CHID1: variants seen among roughly 807,000 people sequenced by gnomAD.
The protein encoded by CHID1 is chitinase domain-containing protein 1.
Under a neutral mutation model 55.4 loss-of-function variants are expected in CHID1, and 44 were observed. The observed-to-expected ratio is 0.79, with a 90% CI of 0.62 to 1.02. The LOEUF (loss-of-function observed/expected upper bound fraction) is 1.02. CHID1 is among the 50% of genes least tolerant of loss of function. The pLI is 0.00. For synonymous variants in CHID1, 216 were observed against 212.9 expected (o/e 1.01, Z -0.13); for missense variants, 491 against 515.3 (o/e 0.95, Z 0.46).
chr11:878,064 GCAAGAA>G (rs1429720732), intron 10 of CHID1, among the ~76,000 whole-genome samples: 2 of 152,236 alleles, frequency 1.3e-5, no homozygotes, highest in Admixed American at 1.3e-4. Context: ...GTCCCTACCA[GCAAGAA>G]CGCTCTCACA....
chr11:880,894 A>T (rs1849865009), intron 10 of CHID1, among the ~76,000 whole-genome samples: 1 of 152,238 alleles, frequency 6.6e-6, no homozygotes, highest in Non-Finnish European at 1.5e-5. Flanking sequence ...ATGATTTATA[A>T]AAATGCTAAA....
chr11:884,076 TGTAGA>T lies in CHID1; in HGVS notation c.790_794del (p.Thr265AlafsTer6). On this transcript the variant is annotated frameshift_variant, in exon 9 of 13. Transcript: ENST00000323578. LOFTEE classifies it high-confidence loss of function. ...CCCAAGCCCACACTCACTGATGCGC[TGTAGA>T]GTAGTCGTAGGTCATGAGGCTGAAA... The T allele has an allele frequency of 6.2e-7, 1 of 1,613,548 alleles. No homozygotes were observed. The highest frequency in any genetic ancestry group is 8.5e-7 in the Non-Finnish European group (1 of 1,179,484).
chr11:910,764 G>A lies in CHID1; in HGVS notation c.-44+11C>T. On this transcript the variant is annotated intron_variant, in intron 1 of 12. Transcript: ENST00000323578. ...GGAGGAGGAGCAGGGGCCGGCCGCC[G>A]CGGGGCTCACCTGCATGTCAGGGAG... The A allele has an allele frequency of 1.7e-6, 2 of 1,177,332 alleles. No homozygotes were observed. The highest frequency in any genetic ancestry group is 2.1e-6 in the Non-Finnish European group (2 of 938,716). The allele number at this position is 1,177,332 out of a possible 1,614,324, so 72.9% of individuals were successfully genotyped here.
chr11:886,414 A>T (rs1028547137), intron 8 of CHID1, among the ~76,000 whole-genome samples: 5 of 144,126 alleles, frequency 3.5e-5, no homozygotes, highest in Admixed American at 3.5e-4. Flanking sequence ...AGCCCTGATC[A>T]TGCCACTGCA....
At position 900,069 on chromosome 11, in the gene CHID1, G is replaced by A. The variant is rs753123596; in HGVS notation, c.481C>T (p.Arg161Trp). The change falls in exon 6 of 13, where the codon CGG becomes TGG. Residue 161 changes from arginine (R) to tryptophan (W), a missense_variant. Physicochemically the swap from Arg to Trp is moderately radical, Grantham distance 101. Coordinates refer to ENST00000323578, the MANE Select transcript of CHID1 (RefSeq NM_023947.4). ...LFEDWTYDDF[R>W]NVLDSEDEIE... The stretch of plus-strand genomic sequence containing the variant: ...TCATCCTCACTGTCTAAGACGTTCC[G>A]GAAATCATCGTAAGTCCAGTCCTCA... 1.2e-5 allele frequency: 19 copies of A among 1,613,930 alleles called. No homozygotes were observed. The African/African-American group carries it at 1.5e-4, about 12-fold the overall frequency.
chr11:871,561 T>C (rs1206755993), intron 10 of CHID1, among the ~76,000 whole-genome samples: 1 of 890 alleles, frequency 1.1e-3, no homozygotes, highest in Non-Finnish European at 2.7e-3. Flanking sequence ...GACAGGAGTC[T>C]GTGCAGGTGG....
At chr11:887,868 G>T (rs1200261073) in intron 8 of CHID1, among the ~76,000 whole-genome samples, 1 of 152,220 alleles carries the variant, frequency 6.6e-6, no homozygotes, top group Non-Finnish European at 1.5e-5. Context: ...AGGCACTCCT[G>T]GCAGAGCTGG....
At position 910,790 on chromosome 11, in the gene CHID1, G is replaced by A; in HGVS notation, c.-59C>T. On this transcript the variant is annotated 5_prime_UTR_variant, in exon 1 of 13. Transcript: ENST00000323578. ...CGGGGCTCACCTGCATGTCAGGGAG[G>A]CCGGACGGCCACAAACGCACGGCCG... The A allele has an allele frequency of 2.7e-6, 3 of 1,121,086 alleles. No homozygotes were observed. The highest frequency in any genetic ancestry group is 3.3e-6 in the Non-Finnish European group (3 of 908,980). The allele number at this position is 1,121,086 out of a possible 1,614,324, so 69.4% of individuals were successfully genotyped here.
In CHID1 at chr11:904,623, C is replaced by G. The variant is rs1852072128; in HGVS notation, c.111+83G>C. 4.6e-6 allele frequency: 7 copies of G among 1,537,482 alleles called. No individual in the cohort carries two copies. In the South Asian group the frequency reaches 8.0e-5, roughly 18 times the overall value. ...CAAGCCCCTCGAGCCTCCTGGCTCACAGGCCCCAGTGGACAGAAAGAAGAG... is the reference window on the plus strand; with the variant it reads ...CAAGCCCCTCGAGCCTCCTGGCTCAGAGGCCCCAGTGGACAGAAAGAAGAG... On this transcript the variant is annotated intron_variant, in intron 2 of 12. Coordinates refer to ENST00000323578, the MANE Select transcript of CHID1 (RefSeq NM_023947.4).
At chr11:912,456 G>C (rs1226321713), upstream of CHID1, among the ~76,000 whole-genome samples, 2 of 152,230 alleles carry the variant, frequency 1.3e-5, no homozygotes, top group Non-Finnish European at 2.9e-5. Context: ...CCAACGGCCG[G>C]GTTCCTGGGG....
At chr11:898,812 C>T (rs1262605458) in intron 7 of CHID1, among the ~76,000 whole-genome samples, 2 of 152,190 alleles carry the variant, frequency 1.3e-5, no homozygotes, top group Non-Finnish European at 2.9e-5. Context: ...CAAAAGGAGG[C>T]GTGAGGGAGT....
chr11:905,358 G>A (rs1281187177), intron 1 of CHID1, among the ~76,000 whole-genome samples: 1 of 152,232 alleles, frequency 6.6e-6, no homozygotes, highest in African/African-American at 2.4e-5. Flanking sequence ...GAGCAACATA[G>A]TGAGATCCTA....
At chr11:895,559 GC>G (rs1851207781) in intron 7 of CHID1, among the ~76,000 whole-genome samples, 2 of 152,288 alleles carry the variant, frequency 1.3e-5, no homozygotes, top group Admixed American at 1.3e-4. Context: ...CCCTAACACA[GC>G]CCCTCTGGGC....
chr11:889,256 C>T (rs1390387334), intron 8 of CHID1, among the ~76,000 whole-genome samples: 3 of 152,210 alleles, frequency 2.0e-5, no homozygotes, highest in Non-Finnish European at 4.4e-5. Context: ...GCACGACTCT[C>T]ACGTTCTACC....
chr11:893,144 C>T (rs1474835851), intron 8 of CHID1, among the ~76,000 whole-genome samples: 1 of 152,162 alleles, frequency 6.6e-6, no homozygotes. Context: ...TGGGGTGCCC[C>T]CAGCCAAGCC....
chr11:901,016 G>A lies in CHID1; in HGVS notation c.395-36C>T, dbSNP rs764960764. 25 of 1,566,990 alleles carry A rather than the reference G, an allele frequency of 1.6e-5. No homozygotes were observed. In the Admixed American group the frequency reaches 2.3e-4, roughly 14 times the overall value. On this transcript the variant is annotated intron_variant, in intron 4 of 12. Coordinates refer to ENST00000323578, the MANE Select transcript of CHID1 (RefSeq NM_023947.4). Reference sequence around the variant, plus strand: ...TGGAGGGGACAGTCAACACAGGCACGTGCGCCCAACTGGAAGACCCAGCCT... The same window carrying A: ...TGGAGGGGACAGTCAACACAGGCACATGCGCCCAACTGGAAGACCCAGCCT...
chr11:879,181 G>T (rs988287664), intron 10 of CHID1, among the ~76,000 whole-genome samples: 4 of 152,064 alleles, frequency 2.6e-5, no homozygotes, highest in Non-Finnish European at 5.9e-5. Context: ...TAGTAGAGAC[G>T]GGGTTTCACT....
rs556306409 is a variant in CHID1, at chr11:875,132, C to T, written c.960-4633G>A. On this transcript the variant is annotated intron_variant, in intron 10 of 12. Transcript: ENST00000323578. The surrounding 1 kb of genome is among the most constrained non-coding windows in gnomAD (Gnocchi z 4.7). ...GAGGCCCCCAGTGCCAGGCCCAGGC[C>T]CCCTCCTGAAGGGAGGACATAGCTG... Among the ~76,000 whole-genome samples, 33 of 152,366 alleles carry T rather than the reference C, an allele frequency of 2.2e-4. No individual in the cohort carries two copies. Among genetic ancestry groups the T allele is most frequent in the African/African-American group, 6.7e-4 (28 of 41,586 alleles).
In CHID1 at chr11:872,314, C is replaced by T. The variant is rs369444193; in HGVS notation, c.960-1815G>A. Among the ~76,000 whole-genome samples, 36 of 152,338 alleles carry T rather than the reference C, an allele frequency of 2.4e-4. No individual in the cohort carries two copies. The East Asian group carries it at 6.2e-3, about 26-fold the overall frequency. On this transcript the variant is annotated intron_variant, in intron 10 of 12. Coordinates refer to ENST00000323578, the MANE Select transcript of CHID1 (RefSeq NM_023947.4). ...CTAGGATCACAGCCACCCGCCACCA[C>T]GCCCAGCTGGTTTTTGTATTTTTAG... is the stretch of plus-strand genomic sequence containing the variant.
Sources: allele counts gnomAD v4.1 joint callset (sites outside exome capture counted in the v4.1 genomes callset), GRCh38; gene constraint gnomAD v4.1.1; non-coding constraint Gnocchi (gnomAD v3.1); transcripts MANE v1.5; gene names NCBI Gene and HGNC (gene_info 2026-07-23, HGNC 2026-07-21).